Variants in KAZN observed in about 807,000 individuals in gnomAD.
The protein encoded by KAZN is kazrin.
Under a neutral mutation model 87.4 loss-of-function variants are expected in KAZN, and 40 were observed. The observed-to-expected ratio is 0.46, with a 90% CI of 0.36 to 0.60. KAZN has a LOEUF of 0.60. Ranked by LOEUF, KAZN falls within the 20% of genes least tolerant of loss-of-function variation. The pLI is 0.00. For missense variants in KAZN, 898 were observed against 1,073.9 expected, an observed-to-expected ratio of 0.84 and a Z score of 2.29; for synonymous variants, 466 against 458.3, an observed-to-expected ratio of 1.02 and a Z score of -0.22.
chr1:13,925,534 G>A (rs1048282486), intron 1 of KAZN, among the ~76,000 whole-genome samples: 8 of 150,616 alleles, frequency 5.3e-5, no homozygotes, highest in Non-Finnish European at 1.2e-4. Context: ...AAGACCCTGC[G>A]ATAGATTAAG....
chr1:14,131,117 A>G (rs10803454), intron 1 of KAZN, among the ~76,000 whole-genome samples: 86,206 of 151,356 alleles, frequency 0.57, 25,743 homozygotes, highest in East Asian at 0.76. Flanking sequence ...GGAGAGGGAG[A>G]GAGTGAAGGC....
intron 2 of KAZN, among the ~76,000 whole-genome samples, chr1:14,454,758 G>A (rs886740173): frequency 6.6e-6 from 1 of 152,200 alleles, no homozygotes; most frequent in African/African-American, 2.4e-5. Flanking sequence ...GCCATGCTTG[G>A]TCAGGGAAGA....
At chr1:15,040,309 G>A (rs1339995446) in intron 3 of KAZN, among the ~76,000 whole-genome samples, 3 of 152,208 alleles carry the variant, frequency 2.0e-5, no homozygotes, top group Non-Finnish European at 4.4e-5. Flanking sequence ...CCACGCAACT[G>A]TGCCCGCTTA....
intron 1 of KAZN, among the ~76,000 whole-genome samples, chr1:14,814,215 G>A (rs192647012): frequency 0.057 from 8,660 of 151,872 alleles, 322 homozygotes; most frequent in Admixed American, 0.1. Flanking sequence ...TCAAAGACTG[G>A]ATCTTTTTTA....
upstream of KAZN, among the ~76,000 whole-genome samples, chr1:14,595,455 A>G (rs1253456755): frequency 6.6e-6 from 1 of 152,006 alleles, no homozygotes; most frequent in Non-Finnish European, 1.5e-5. Context: ...AGGCAGGTGG[A>G]TTGCTTGAGG....
At chr1:14,905,237 T>C (rs1176569966) in intron 1 of KAZN, among the ~76,000 whole-genome samples, 3 of 152,162 alleles carry the variant, frequency 2.0e-5, no homozygotes. Context: ...TTTTGTATTT[T>C]GAGTAGAAAT....
intron 2 of KAZN, among the ~76,000 whole-genome samples, chr1:14,206,424 A>G (rs1480725790): frequency 3.9e-5 from 6 of 152,166 alleles, no homozygotes; most frequent in African/African-American, 9.7e-5. Context: ...CCAGTAGAAG[A>G]AAGAAAATCT....
intron 2 of KAZN, among the ~76,000 whole-genome samples, chr1:14,264,172 GTTTC>G (rs2100660253): frequency 6.6e-6 from 1 of 152,100 alleles, no homozygotes; most frequent in Non-Finnish European, 1.5e-5. Flanking sequence ...GCAGGACTGT[GTTTC>G]TTTCTGCAGG....
rs368357798 is a variant in KAZN at position 15,059,571 on chromosome 1, C to T, written c.917-601C>T. ...CCGGGAGGCCTCATGGTCTTCCAGG[C>T]GAGAGTCAGTGGTGGCAATGCAGTG... On this transcript the variant is annotated intron_variant, in intron 5 of 14. Coordinates refer to ENST00000376030, the MANE Select transcript of KAZN (RefSeq NM_201628.3). 6.6e-5 allele frequency among the ~76,000 whole-genome samples: 10 copies of T among 151,978 alleles called. No individual in the cohort carries two copies. In the East Asian group the frequency reaches 1.7e-3, roughly 26 times the overall value.
At chr1:14,384,532 T>C (rs1661688606) in intron 2 of KAZN, among the ~76,000 whole-genome samples, 2 of 152,304 alleles carry the variant, frequency 1.3e-5, no homozygotes, top group Admixed American at 1.3e-4. Context: ...TGAAAGGTTG[T>C]TGAATTTTGT....
intron 2 of KAZN, among the ~76,000 whole-genome samples, chr1:14,196,288 C>T (rs114456945): frequency 0.012 from 1,888 of 152,166 alleles, 35 homozygotes; most frequent in African/African-American, 0.043. Flanking sequence ...GGATTTCAAA[C>T]AAAGGAATGA....
intron 2 of KAZN, among the ~76,000 whole-genome samples, chr1:14,256,006 A>G (rs1650481173): frequency 6.6e-6 from 1 of 152,160 alleles, no homozygotes; most frequent in Non-Finnish European, 1.5e-5. Flanking sequence ...TGTAAATTGG[A>G]GACTCTCTGT....
intron 1 of KAZN, among the ~76,000 whole-genome samples, chr1:14,844,614 G>C (rs1648473894): frequency 6.6e-6 from 1 of 152,232 alleles, no homozygotes; most frequent in South Asian, 2.1e-4. Flanking sequence ...GAAAGTGTGA[G>C]CTTTTGTAGG....
chr1:14,906,883 C>G (rs1343686160), intron 1 of KAZN, among the ~76,000 whole-genome samples: 2 of 151,636 alleles, frequency 1.3e-5, no homozygotes, highest in Non-Finnish European at 2.9e-5. Context: ...GCCTTGTTCC[C>G]TAGGGCTGAG....
chr1:14,596,748 G>A (rs1676535896), upstream of KAZN, among the ~76,000 whole-genome samples: 1 of 152,116 alleles, frequency 6.6e-6, no homozygotes, highest in African/African-American at 2.4e-5. Flanking sequence ...TAATGTTTTG[G>A]AGCTTCATCC....
intron 2 of KAZN, among the ~76,000 whole-genome samples, chr1:14,425,917 C>T (rs1435722915): frequency 6.6e-6 from 1 of 152,242 alleles, no homozygotes; most frequent in Non-Finnish European, 1.5e-5. Flanking sequence ...TCATCACCAT[C>T]TCCCCTGCCC....
intron 2 of KAZN, among the ~76,000 whole-genome samples, chr1:14,471,052 C>T (rs1242111228): frequency 1.3e-5 from 2 of 152,172 alleles, no homozygotes; most frequent in Non-Finnish European, 2.9e-5. Flanking sequence ...GCAGTCTAGC[C>T]TTCTGATGGC....
intron 2 of KAZN, among the ~76,000 whole-genome samples, chr1:14,507,488 C>A (rs1670646623): frequency 6.6e-6 from 1 of 152,172 alleles, no homozygotes; most frequent in Non-Finnish European, 1.5e-5. Flanking sequence ...CCTAAAGAGC[C>A]TGTATTCCAG....
chr1:14,500,354 GAAACACCGACCT>G (rs2148426074), intron 2 of KAZN, among the ~76,000 whole-genome samples: 1 of 152,272 alleles, frequency 6.6e-6, no homozygotes, highest in South Asian at 2.1e-4. Flanking sequence ...AACACTTGCA[GAAACACCGACCT>G]AAACTTTACT....
Sources: allele counts gnomAD v4.1 joint callset (sites outside exome capture counted in the v4.1 genomes callset), GRCh38; gene constraint gnomAD v4.1.1; transcripts MANE v1.5; gene names NCBI Gene and HGNC (gene_info 2026-07-23, HGNC 2026-07-21).